RAD51B: variants seen among roughly 807,000 people sequenced by gnomAD.
RAD51B encodes the protein RAD51 paralog B.
A neutral mutation model predicts 42.2 loss-of-function variants in RAD51B; 38 were observed. The ratio of observed to expected loss-of-function variants is 0.90; its 90% CI spans 0.70 to 1.18. The LOEUF is 1.18. RAD51B is among the 50% of genes most tolerant of loss of function. The pLI is 0.00. For missense variants in RAD51B, 373 were observed against 400.7 expected, an observed-to-expected ratio of 0.93 and a Z score of 0.59; for synonymous variants, 154 against 145.2, an observed-to-expected ratio of 1.06 and a Z score of -0.43.
intron 7 of RAD51B, among the ~76,000 whole-genome samples, chr14:68,235,479 C>T (rs1041832138): frequency 6.5e-4 from 99 of 151,408 alleles, no homozygotes; most frequent in African/African-American, 2.3e-3. Context: ...CCGAGGCGGG[C>T]GGATCACGAG....
chr14:68,458,826 C>T (rs1370318814), intron 9 of RAD51B, among the ~76,000 whole-genome samples: 3 of 152,078 alleles, frequency 2.0e-5, no homozygotes, highest in African/African-American at 7.2e-5. Flanking sequence ...TGCTCAAATA[C>T]AGTTCATTTT....
intron 7 of RAD51B, among the ~76,000 whole-genome samples, chr14:67,993,931 TAAC>T (rs1366645868): frequency 6.6e-6 from 1 of 152,206 alleles, no homozygotes; most frequent in Non-Finnish European, 1.5e-5. Flanking sequence ...CTAGCTATTC[TAAC>T]AACTATATGT....
intron 7 of RAD51B, among the ~76,000 whole-genome samples, chr14:68,130,689 T>C (rs922901870): frequency 1.3e-5 from 2 of 152,238 alleles, no homozygotes; most frequent in African/African-American, 4.8e-5. Flanking sequence ...CATTATAAAC[T>C]TTCTGAACTA....
chr14:68,007,777 C>T (rs575673294), intron 7 of RAD51B, among the ~76,000 whole-genome samples: 111 of 151,738 alleles, frequency 7.3e-4, no homozygotes, highest in African/African-American at 2.4e-3. Flanking sequence ...TGATAAAGGG[C>T]AAATATCTCC....
intron 9 of RAD51B, among the ~76,000 whole-genome samples, chr14:68,446,954 T>G (rs1003317502): frequency 1.3e-5 from 2 of 152,146 alleles, no homozygotes; most frequent in Non-Finnish European, 2.9e-5. Context: ...CGGTGGCTCA[T>G]GCCTGTAATC....
intron 7 of RAD51B, among the ~76,000 whole-genome samples, chr14:67,925,394 T>C (rs1467582847): frequency 6.6e-6 from 1 of 152,074 alleles, no homozygotes; most frequent in East Asian, 1.9e-4. Context: ...TGCCTCAGCC[T>C]CCCGAGTAGC....
At chr14:67,846,485 T>G (rs1015111250) in intron 4 of RAD51B, among the ~76,000 whole-genome samples, 31 of 151,886 alleles carry the variant, frequency 2.0e-4, no homozygotes, top group African/African-American at 7.5e-4. Context: ...GTAGGGCAGG[T>G]GGGGGCGTGG....
intron 7 of RAD51B, among the ~76,000 whole-genome samples, chr14:68,171,392 C>T (rs146062506): frequency 3.8e-4 from 58 of 151,930 alleles, no homozygotes; most frequent in African/African-American, 1.3e-3. Context: ...CTCTGCCTCC[C>T]GGGTTCAAGT....
rs148519271 is a variant in RAD51B, at chr14:68,571,534, C to T, written c.1037-22951C>T. Among the ~76,000 whole-genome samples the T allele has an allele frequency of 5.3e-5, 8 of 152,334 alleles. 2 individuals carry two copies. Among genetic ancestry groups the T allele is most frequent in the African/African-American group, 1.9e-4 (8 of 41,570 alleles). On this transcript the variant is annotated intron_variant, in intron 10 of 10. Transcript: ENST00000487270. ...CCGACCAATCATTCTTCCATTGCCACTTCTCCCTCTGACTTGGATTCCTCT... is the reference window on the plus strand; with the variant it reads ...CCGACCAATCATTCTTCCATTGCCATTTCTCCCTCTGACTTGGATTCCTCT...
chr14:68,484,480 C>T (rs908362118), intron 10 of RAD51B, among the ~76,000 whole-genome samples: 1 of 146,608 alleles, frequency 6.8e-6, no homozygotes, highest in Non-Finnish European at 1.5e-5. Flanking sequence ...GCCTCAGCCT[C>T]CCGAGTAGCT....
rs560577212 is a variant in RAD51B, at chr14:68,147,358, A to G, written c.757-144526A>G. 5.9e-5 allele frequency among the ~76,000 whole-genome samples: 9 copies of G among 152,320 alleles called. No individual in the cohort carries two copies. The Middle Eastern group carries it at 0.017, about 288-fold the overall frequency. On this transcript the variant is annotated intron_variant, in intron 7 of 10. Coordinates refer to ENST00000471583, the MANE Select transcript of RAD51B (RefSeq NM_133510.4). Reference sequence around the variant, plus strand: ...AATGTATTTCAGTTTAATAAATGAGAACATATAAAATAATTTACCTGTAAG... The same window carrying G: ...AATGTATTTCAGTTTAATAAATGAGGACATATAAAATAATTTACCTGTAAG...
At position 68,116,662 on chromosome 14, in the gene RAD51B, C is replaced by T. The variant is rs540886312; in HGVS notation, c.757-175222C>T. ...TTACTACATTTCTATAGTAATTTCG[C>T]AGTGTAAATGCTGAATGAATGTGAT... On this transcript the variant is annotated intron_variant, in intron 7 of 10. Transcript: ENST00000471583. Among the ~76,000 whole-genome samples, 8 of 152,240 alleles carry T rather than the reference C, an allele frequency of 5.3e-5. No individual in the cohort carries two copies. In the East Asian group the frequency reaches 1.4e-3, roughly 26 times the overall value.
chr14:68,269,479 C>T (rs1397859412), intron 7 of RAD51B, among the ~76,000 whole-genome samples: 2 of 152,242 alleles, frequency 1.3e-5, no homozygotes, highest in East Asian at 1.9e-4. Context: ...TGGGACCCTG[C>T]CCTGAACCCT....
At chr14:68,606,683 C>T (rs1345022770) in intron 10 of RAD51B, among the ~76,000 whole-genome samples, 2 of 152,148 alleles carry the variant, frequency 1.3e-5, no homozygotes, top group Admixed American at 6.5e-5. Flanking sequence ...ATCTGTTTAA[C>T]CTTTGGAAGG....
At chr14:68,348,020 G>A (rs902049106) in intron 8 of RAD51B, among the ~76,000 whole-genome samples, 35 of 152,128 alleles carry the variant, frequency 2.3e-4, no homozygotes, top group Non-Finnish European at 4.3e-4. Context: ...AAAAGTGCTG[G>A]TAAGGTCAGC....
At chr14:68,502,851 G>T (rs988190640) in intron 10 of RAD51B, among the ~76,000 whole-genome samples, 26 of 152,180 alleles carry the variant, frequency 1.7e-4, no homozygotes, top group African/African-American at 6.0e-4. Flanking sequence ...ATCCTGTGTG[G>T]ACTCCTTTAT....
At chr14:68,275,446 A>G (rs1027700434) in intron 7 of RAD51B, among the ~76,000 whole-genome samples, 4 of 152,178 alleles carry the variant, frequency 2.6e-5, no homozygotes, top group Non-Finnish European at 4.4e-5. Flanking sequence ...GGACTTAAAA[A>G]AAAAAAGTAG....
rs140274693 is a variant in RAD51B, at chr14:67,952,365, G to A, written c.756+65161G>A. On this transcript the variant is annotated intron_variant, in intron 7 of 10. Coordinates refer to ENST00000471583, the MANE Select transcript of RAD51B (RefSeq NM_133510.4). ...ATCTATGTGTGGAAGAGTAAATGAA[G>A]CGTTTCTGCAATATTAATGAACGGA... 3.6e-3 allele frequency among the ~76,000 whole-genome samples: 551 copies of A among 152,262 alleles called. 2 individuals are homozygous for A. The highest frequency in any genetic ancestry group is 6.1e-3 in the Non-Finnish European group (417 of 67,988).
At chr14:68,334,209 G>A (rs2082402888) in intron 8 of RAD51B, among the ~76,000 whole-genome samples, 1 of 152,014 alleles carries the variant, frequency 6.6e-6, no homozygotes, top group South Asian at 2.1e-4. Context: ...ATACCTTTTG[G>A]CTTCTCCAAA....
Sources: allele counts gnomAD v4.1 joint callset (sites outside exome capture counted in the v4.1 genomes callset), GRCh38; gene constraint gnomAD v4.1.1; transcripts MANE v1.5; gene names NCBI Gene and HGNC (gene_info 2026-07-23, HGNC 2026-07-21).